Variants in LOC122539214 observed in about 807,000 individuals in gnomAD.
At chr19:52,676,608 C>G in the LOC122539214 span, among the ~76,000 whole-genome samples, 2 of 150,610 alleles carry the variant, frequency 1.3e-5, no homozygotes, top group South Asian at 2.1e-4. Flanking sequence ...GCCTGGCCAC[C>G]ACCCCGTCTG....
chr19:52,686,987 G>C, the LOC122539214 span, among the ~76,000 whole-genome samples: 1 of 151,892 alleles, frequency 6.6e-6, no homozygotes, highest in African/African-American at 2.4e-5. Context: ...TTTGAGACCA[G>C]CCTCTCTAAC....
At chr19:52,683,371 C>G in the LOC122539214 span, among the ~76,000 whole-genome samples, 4 of 152,130 alleles carry the variant, frequency 2.6e-5, no homozygotes, top group Non-Finnish European at 4.4e-5. Flanking sequence ...GGCTGCAGTT[C>G]ACTGTGCTGT....
chr19:52,652,981 G>A, the LOC122539214 span: 4 of 1,340,602 alleles, frequency 3.0e-6, no homozygotes, highest in African/African-American at 5.8e-5. Flanking sequence ...ACACCTGTAA[G>A]GTTTCTCTCC....
the LOC122539214 span, among the ~76,000 whole-genome samples, chr19:52,671,943 A>G: frequency 1.4e-4 from 21 of 152,306 alleles, no homozygotes; most frequent in African/African-American, 5.1e-4. Context: ...TAACTAAGTT[A>G]TAAAATTGGC....
chr19:52,653,026 T>C, the LOC122539214 span: 1 of 1,453,864 alleles, frequency 6.9e-7, no homozygotes, highest in Non-Finnish European at 9.6e-7. Flanking sequence ...AAGGTTTGAC[T>C]GTTGATTAAA....
the LOC122539214 span, among the ~76,000 whole-genome samples, chr19:52,680,778 A>G: frequency 6.9e-6 from 1 of 145,780 alleles, no homozygotes; most frequent in African/African-American, 2.7e-5. Context: ...ACGCCCGGCT[A>G]ATTTTTTGTA....
At chr19:52,685,318 T>C in the LOC122539214 span, among the ~76,000 whole-genome samples, 1 of 152,056 alleles carries the variant, frequency 6.6e-6, no homozygotes, top group East Asian at 1.9e-4. Flanking sequence ...AGTGAGAAGG[T>C]GTGTCTGAAT....
chr19:52,688,209 T>G, the LOC122539214 span, among the ~76,000 whole-genome samples: 2 of 152,110 alleles, frequency 1.3e-5, no homozygotes, highest in African/African-American at 4.8e-5. Flanking sequence ...CTCACTCTGT[T>G]GACCAGGCTG....
chr19:52,685,045 GCT>G, the LOC122539214 span, among the ~76,000 whole-genome samples: 2 of 152,164 alleles, frequency 1.3e-5, no homozygotes, highest in Non-Finnish European at 2.9e-5. Flanking sequence ...TGAGTCTACC[GCT>G]CTGTTTCTTC....
At chr19:52,652,935 G>A in the LOC122539214 span, 1 of 1,204,286 alleles carries the variant, frequency 8.3e-7, no homozygotes, top group Non-Finnish European at 1.2e-6. Flanking sequence ...GGTATACAAA[G>A]GATGACATAT....
the LOC122539214 span, among the ~76,000 whole-genome samples, chr19:52,657,172 A>G: frequency 6.6e-6 from 1 of 152,172 alleles, no homozygotes; most frequent in Non-Finnish European, 1.5e-5. Flanking sequence ...TCAAGAAATC[A>G]TAAATGCAAT....
the LOC122539214 span, chr19:52,674,117 A>T: frequency 3.9e-5 from 6 of 152,042 alleles, no homozygotes; most frequent in Non-Finnish European, 8.8e-5. Context: ...ATGGCTCTAG[A>T]CCAAATCCAC....
the LOC122539214 span, among the ~76,000 whole-genome samples, chr19:52,659,266 C>T: frequency 4.0e-5 from 6 of 151,568 alleles, no homozygotes; most frequent in East Asian, 7.8e-4. Flanking sequence ...GCATGAGGAA[C>T]GCGACCCCCG....
At chr19:52,682,036 C>T in the LOC122539214 span, among the ~76,000 whole-genome samples, 4 of 152,002 alleles carry the variant, frequency 2.6e-5, no homozygotes, top group African/African-American at 7.2e-5. Context: ...TTAGTAGAGA[C>T]GAGGTTTCAC....
chr19:52,665,711 C>T, the LOC122539214 span, among the ~76,000 whole-genome samples: 3 of 152,140 alleles, frequency 2.0e-5, no homozygotes, highest in South Asian at 2.1e-4. Context: ...ATTAGCCAAT[C>T]GGAATTAGCT....
At chr19:52,683,803 A>C in the LOC122539214 span, among the ~76,000 whole-genome samples, 159 of 152,310 alleles carry the variant, frequency 1.0e-3, no homozygotes, top group Non-Finnish European at 1.9e-3. Flanking sequence ...CATTTGCCCC[A>C]GCCCCTCAGT....
At chr19:52,687,616 G>GTATATATATATATAATATATATATATA in the LOC122539214 span, among the ~76,000 whole-genome samples, 1 of 15,822 alleles carries the variant, frequency 6.3e-5, no homozygotes, top group Admixed American at 6.9e-4. Flanking sequence ...TATATAATGT[G>GTATATATATATATAATATATATATATA]TATATATATA....
chr19:52,671,394 C>G, the LOC122539214 span, among the ~76,000 whole-genome samples: 55 of 152,184 alleles, frequency 3.6e-4, no homozygotes, highest in African/African-American at 1.3e-3. Context: ...TAAATTCACT[C>G]TATGTGCCTT....
the LOC122539214 span, among the ~76,000 whole-genome samples, chr19:52,657,102 C>T: frequency 3.3e-4 from 49 of 148,282 alleles, no homozygotes; most frequent in Non-Finnish European, 4.9e-4. Context: ...GGGGACACAG[C>T]GAGACCCTAT....
Sources: gnomAD v4.1 joint callset for allele counts (sites outside exome capture counted in the v4.1 genomes callset) on GRCh38, gnomAD v4.1.1 for gene constraint, MANE v1.5 for transcripts.